Variants in DCAF8L2 observed in about 807,000 individuals in gnomAD.
The protein encoded by DCAF8L2 is DDB1 and CUL4 associated factor 8 like 2.
For synonymous variants in DCAF8L2, 200 were observed against 190.9 expected (o/e 1.05, Z -0.39); for missense variants, 430 against 490.7 (o/e 0.88, Z 1.17).
At chrX:27,637,015 A>G (rs956665754) in intron 2 of DCAF8L2, among the ~76,000 whole-genome samples, 6 of 111,740 alleles carry the variant, frequency 5.4e-5, no homozygotes, top group African/African-American at 2.0e-4. Flanking sequence ...TGGGAGATGC[A>G]CTATCACCTA....
chrX:27,608,528 A>T (rs1927011442), intron 1 of DCAF8L2, among the ~76,000 whole-genome samples: 1 of 111,679 alleles, frequency 9.0e-6, no homozygotes, highest in South Asian at 3.7e-4. Context: ...TTAAGCAACA[A>T]TGCATATTTA....
chrX:27,553,466 T>A, the DCAF8L2 span, among the ~76,000 whole-genome samples: 1 of 109,497 alleles, frequency 9.1e-6, no homozygotes, highest in African/African-American at 3.3e-5. Context: ...AATTGCTATA[T>A]CCCCTTGCTG....
At chrX:27,746,233 T>G (rs1295252826) in intron 4 of DCAF8L2, among the ~76,000 whole-genome samples, 1 of 111,466 alleles carries the variant, frequency 9.0e-6, no homozygotes, top group Non-Finnish European at 1.9e-5. Context: ...ATGTAACATT[T>G]GAGATCTACT....
chrX:27,501,780 G>A, the DCAF8L2 span, among the ~76,000 whole-genome samples: 1 of 110,761 alleles, frequency 9.0e-6, no homozygotes, highest in African/African-American at 3.3e-5. Context: ...ATGGGGTTGA[G>A]AGGAAGCAAG....
At chrX:27,513,431 G>A in the DCAF8L2 span, among the ~76,000 whole-genome samples, 1 of 111,859 alleles carries the variant, frequency 8.9e-6, no homozygotes, top group Admixed American at 9.5e-5. Context: ...GTCAGGGTGG[G>A]CATGGTGGCT....
In DCAF8L2 at chrX:27,716,182, T is replaced by C. The variant is rs932689605; in HGVS notation, c.-59+11T>C. 8.9e-6 allele frequency: 1 copy of C among 111,864 alleles called. No homozygotes were observed. The highest frequency in any genetic ancestry group is 3.3e-5 in the African/African-American group (1 of 30,704). 9.2% of individuals were successfully genotyped at this position (111,864 alleles called of 1,213,427 possible). A position where few individuals can be genotyped will look rare whatever the true frequency, so the allele number is the denominator to read the frequency against. The stretch of plus-strand genomic sequence containing the variant: ...TTGCTACTGACACAGGTGAGTGGCA[T>C]GGGTAGCAAATTATGCATGGCAGCA... On this transcript the variant is annotated intron_variant, in intron 4 of 4. Coordinates refer to ENST00000451261, the MANE Select transcript of DCAF8L2 (RefSeq NM_001353450.2).
chrX:27,519,806 C>A, the DCAF8L2 span: 2 of 449,436 alleles, frequency 4.5e-6, no homozygotes, highest in Non-Finnish European at 7.9e-6. Flanking sequence ...AGGTTAAATA[C>A]GAACAATTAT....
At chrX:27,641,215 T>C (rs902307014) in intron 2 of DCAF8L2, among the ~76,000 whole-genome samples, 4 of 111,717 alleles carry the variant, frequency 3.6e-5, no homozygotes, top group African/African-American at 1.3e-4. Context: ...TTTTATCTGT[T>C]AACATTTCCT....
chrX:27,596,376 G>T (rs944298065), intron 1 of DCAF8L2, among the ~76,000 whole-genome samples: 1 of 111,123 alleles, frequency 9.0e-6, no homozygotes, highest in Non-Finnish European at 1.9e-5. Context: ...TTTACATATC[G>T]TCTGAATATG....
At chrX:27,525,951 T>C in the DCAF8L2 span, among the ~76,000 whole-genome samples, 2 of 111,830 alleles carry the variant, frequency 1.8e-5, no homozygotes, top group African/African-American at 6.5e-5. Context: ...CGCTGACTGC[T>C]CTTAACATTT....
intron 1 of DCAF8L2, among the ~76,000 whole-genome samples, chrX:27,604,504 T>C (rs1486354509): frequency 3.6e-5 from 4 of 111,480 alleles, no homozygotes; most frequent in African/African-American, 9.8e-5. Context: ...TTCCACCTTA[T>C]TATATTCACT....
At chrX:27,544,278 C>A in the DCAF8L2 span, among the ~76,000 whole-genome samples, 10,547 of 111,166 alleles carry the variant, frequency 0.095, 403 homozygotes, top group Non-Finnish European at 0.12. Context: ...AGAAAAGCAA[C>A]TATCTGGCCA....
At chrX:27,722,803 T>A (rs1931944875) in intron 4 of DCAF8L2, among the ~76,000 whole-genome samples, 1 of 111,088 alleles carries the variant, frequency 9.0e-6, no homozygotes, top group Non-Finnish European at 1.9e-5. Context: ...GAGATTAATA[T>A]GGGAAAGAAA....
intron 1 of DCAF8L2, among the ~76,000 whole-genome samples, chrX:27,620,421 A>G (rs1300134607): frequency 8.9e-6 from 1 of 111,905 alleles, no homozygotes; most frequent in Non-Finnish European, 1.9e-5. Flanking sequence ...AACAACATCA[A>G]CAGAGTAAAA....
the DCAF8L2 span, among the ~76,000 whole-genome samples, chrX:27,570,207 T>C: frequency 9.9e-5 from 11 of 110,781 alleles, no homozygotes; most frequent in African/African-American, 3.3e-4. Context: ...AGTTATGATT[T>C]CCCTAATGTA....
At chrX:27,508,782 T>C in the DCAF8L2 span, among the ~76,000 whole-genome samples, 1 of 106,675 alleles carries the variant, frequency 9.4e-6, no homozygotes, top group African/African-American at 3.4e-5. Context: ...CTTTTGTACC[T>C]TGCTAATCAC....
At chrX:27,592,411 G>GTTTTTTTTTTTTT (rs1214583694) in intron 1 of DCAF8L2, among the ~76,000 whole-genome samples, 1 of 51,647 alleles carries the variant, frequency 1.9e-5, no homozygotes, top group Non-Finnish European at 3.5e-5. Flanking sequence ...TTTTTTGTTT[G>GTTTTTTTTTTTTT]TTTTTGTTTT....
At chrX:27,483,105 T>C in the DCAF8L2 span, among the ~76,000 whole-genome samples, 38 of 111,698 alleles carry the variant, frequency 3.4e-4, 2 homozygotes, top group Admixed American at 2.3e-3. Context: ...CGTCTTTACT[T>C]GTTTCACCCT....
chrX:27,626,027 A>G (rs1038912707), intron 1 of DCAF8L2, among the ~76,000 whole-genome samples: 20 of 112,072 alleles, frequency 1.8e-4, no homozygotes, highest in Non-Finnish European at 2.4e-4. Flanking sequence ...TTAAAAAAAA[A>G]TAACTTGAAA....
Sources: allele counts gnomAD v4.1 joint callset (sites outside exome capture counted in the v4.1 genomes callset), GRCh38; gene constraint gnomAD v4.1.1; transcripts MANE v1.5; gene names NCBI Gene and HGNC (gene_info 2026-07-23, HGNC 2026-07-21).